The following CIT variants were observed in gnomAD, a reference collection of about 807,000 sequenced individuals.
The protein encoded by CIT is citron Rho-interacting kinase.
A neutral mutation model predicts 272.7 loss-of-function variants in CIT; 79 were observed. That is an observed-to-expected ratio of 0.29 (90% CI 0.24 to 0.35). The LOEUF (loss-of-function observed/expected upper bound fraction) is 0.35. Ranked by LOEUF, CIT falls within the 10% of genes least tolerant of loss-of-function variation. The pLI is 1.00. For synonymous variants in CIT, 948 were observed against 995.6 expected, an observed-to-expected ratio of 0.95 and a Z score of 0.90; for missense variants, 1,909 against 2,618.3, an observed-to-expected ratio of 0.73 and a Z score of 5.91.
At chr12:119,839,328 A>C (rs1021824872) in intron 5 of CIT, among the ~76,000 whole-genome samples, 1 of 152,144 alleles carries the variant, frequency 6.6e-6, no homozygotes, top group Non-Finnish European at 1.5e-5. Context: ...CTCTATTCCA[A>C]TTCACATAGG....
intron 40 of CIT, among the ~76,000 whole-genome samples, chr12:119,706,030 CA>C (rs1956861508): frequency 6.7e-6 from 1 of 148,776 alleles, no homozygotes; most frequent in Non-Finnish European, 1.5e-5. Context: ...GCAGAGGCTA[CA>C]GTGAGCCAAG....
Position 119,687,440 on chromosome 12 carries a change from G to C in CIT, c.*792C>G, listed in dbSNP as rs181970708. 19 of 152,816 alleles carry C rather than the reference G, an allele frequency of 1.2e-4. No homozygotes were observed. Among genetic ancestry groups the C allele is most frequent in the African/African-American group, 4.3e-4 (18 of 41,554 alleles). 9.5% of individuals were successfully genotyped at this position (152,816 alleles called of 1,614,324 possible). A position where few individuals can be genotyped will look rare whatever the true frequency, so the allele number is the denominator to read the frequency against. On this transcript the variant is annotated 3_prime_UTR_variant, in exon 48 of 48. Transcript: ENST00000392521. ...ACAGCAGGCTGGGGAGATGACGCTGGGGGGTGGGGAAGGAAAGCGTCTCGA... is the reference window on the plus strand; with the variant it reads ...ACAGCAGGCTGGGGAGATGACGCTGCGGGGTGGGGAAGGAAAGCGTCTCGA...
chr12:119,857,418 G>T, intron 4 of CIT, 105 bp downstream of exon 4: 1 of 1,153,192 alleles, frequency 8.7e-7, no homozygotes, highest in Non-Finnish European at 1.2e-6. Flanking sequence ...TAGAGTCACA[G>T]AGGAAAACGT....
At chr12:119,775,217 G>A (rs1040267347) in intron 16 of CIT, among the ~76,000 whole-genome samples, 28 of 151,952 alleles carry the variant, frequency 1.8e-4, no homozygotes, top group African/African-American at 6.3e-4. Context: ...AGGTTGCAGT[G>A]AGCCAAGATC....
At position 119,710,302 on chromosome 12, in the gene CIT, C is replaced by T. The variant is rs761740504; in HGVS notation, c.5020G>A (p.Val1674Ile). 2 of 1,614,232 alleles carry T rather than the reference C, an allele frequency of 1.2e-6. No homozygotes were observed. ...TCCTTGATAATATAAATTTGGAAGACTGCTCCAATTCCTGGGACATGGGTT... is the reference window on the plus strand; with the variant it reads ...TCCTTGATAATATAAATTTGGAAGATTGCTCCAATTCCTGGGACATGGGTT... ...SLTHVPGIGA[V>I]FQIYIIKDLE... The change falls in exon 39 of 48, where the codon GTC becomes ATC. Residue 1674 changes from valine (V) to isoleucine (I), a missense_variant. By Grantham distance (29) the Val-to-Ile change is conservative. This residue lies in a region of CIT where 780 missense variants were observed against 1,067.2 expected (regional missense o/e 0.73). Coordinates refer to ENST00000392521, the MANE Select transcript of CIT (RefSeq NM_001206999.2). The surrounding 1 kb of genome is among the most constrained non-coding windows in gnomAD (Gnocchi z 5.6).
At chr12:119,745,806 TA>T (rs1348168624) in intron 23 of CIT, among the ~76,000 whole-genome samples, 1 of 103,614 alleles carries the variant, frequency 9.7e-6, no homozygotes, top group African/African-American at 3.9e-5. Context: ...GATATACCAA[TA>T]AAAAAATACA....
intron 3 of CIT, among the ~76,000 whole-genome samples, chr12:119,864,498 A>C (rs767949794): frequency 5.3e-5 from 8 of 152,080 alleles, no homozygotes; most frequent in Non-Finnish European, 7.4e-5. Context: ...CCCATGCCCC[A>C]GCTACTTTTT....
At chr12:119,777,578 A>C (rs1566028748) in intron 13 of CIT, among the ~76,000 whole-genome samples, 1 of 147,698 alleles carries the variant, frequency 6.8e-6, no homozygotes, top group Middle Eastern at 3.4e-3. Flanking sequence ...GCTGAGGCAG[A>C]AGAATCGCTT....
intron 2 of CIT, among the ~76,000 whole-genome samples, chr12:119,874,865 C>T (rs1296087344): frequency 7.2e-6 from 1 of 139,552 alleles, no homozygotes; most frequent in Non-Finnish European, 1.5e-5. Flanking sequence ...CCAGCCTGGG[C>T]GACAGCGAAG....
intron 7 of CIT, among the ~76,000 whole-genome samples, chr12:119,827,858 T>C (rs1968297858): frequency 6.6e-6 from 1 of 152,244 alleles, no homozygotes. Context: ...TCTAATTACC[T>C]TGCAGGACCT....
intron 23 of CIT, among the ~76,000 whole-genome samples, chr12:119,747,570 T>C (rs1435403439): frequency 1.3e-5 from 2 of 148,654 alleles, no homozygotes; most frequent in East Asian, 4.0e-4. Flanking sequence ...AATACAAAAA[T>C]TAACTGGGCG....
intron 9 of CIT, among the ~76,000 whole-genome samples, chr12:119,812,809 G>A (rs993198222): frequency 1.5e-4 from 22 of 149,986 alleles, no homozygotes; most frequent in Non-Finnish European, 2.8e-4. Flanking sequence ...CATCGCACCC[G>A]GCTAGTCTCA....
chr12:119,745,881 A>G (rs941952744), intron 23 of CIT, among the ~76,000 whole-genome samples: 21 of 152,236 alleles, frequency 1.4e-4, no homozygotes, highest in Non-Finnish European at 2.6e-4. Context: ...ATAAAAAGTT[A>G]TTGTTTAGAA....
At chr12:119,844,853 G>A (rs1055407182) in intron 5 of CIT, among the ~76,000 whole-genome samples, 1 of 152,210 alleles carries the variant, frequency 6.6e-6, no homozygotes, top group Admixed American at 6.5e-5. Context: ...GGGCACGGTG[G>A]CTCACGCCTG....
intron 32 of CIT, among the ~76,000 whole-genome samples, chr12:119,716,975 G>A (rs901748047): frequency 6.6e-6 from 1 of 152,180 alleles, no homozygotes; most frequent in African/African-American, 2.4e-5. Context: ...TTAATGAAAC[G>A]AAGGTGTCTT....
chr12:119,716,941 A>C (rs1957521877), intron 32 of CIT, among the ~76,000 whole-genome samples: 2 of 152,358 alleles, frequency 1.3e-5, no homozygotes, highest in African/African-American at 4.8e-5. Context: ...TTATGTACTA[A>C]TGTGAAACCT....
rs141729408 is a variant in CIT, at chr12:119,775,421, T to A, written c.1941+365A>T. ...CCTCCAGCCTTCTGCAGGGCAGGCC[T>A]CCTGCTGGCAGAAAGCAGTTTGGGT... On this transcript the variant is annotated intron_variant, in intron 16 of 47. Transcript: ENST00000392521. Among the ~76,000 whole-genome samples, 217 of 152,352 alleles carry A rather than the reference T, an allele frequency of 1.4e-3. 1 individual carries two copies. The highest frequency in any genetic ancestry group is 5.0e-3 in the African/African-American group (210 of 41,590).
Position 119,728,355 on chromosome 12 carries a change from G to T in CIT, c.3591+147C>A. ...CAGGGTGTTGATAGCTGGGGACACT[G>T]TGGGAGGAGGAGACAGGGAGTATGT... On this transcript the variant is annotated intron_variant, in intron 28 of 47. Coordinates refer to ENST00000392521, the MANE Select transcript of CIT (RefSeq NM_001206999.2). This position sits in a 1 kb window ranked among gnomAD's most constrained non-coding sequence, Gnocchi z 4.3. 1.5e-6 allele frequency: 1 copy of T among 649,606 alleles called. No homozygotes were observed. Among genetic ancestry groups the T allele is most frequent in the African/African-American group, 1.8e-5 (1 of 55,432 alleles). 40.2% of individuals were successfully genotyped at this position (649,606 alleles called of 1,614,324 possible).
chr12:119,750,879 C>T (rs1456950051), intron 23 of CIT, among the ~76,000 whole-genome samples: 1 of 151,834 alleles, frequency 6.6e-6, no homozygotes, highest in Non-Finnish European at 1.5e-5. Flanking sequence ...ACGGAAGTAA[C>T]CCCAATCAAA....
Sources: gnomAD v4.1 joint callset for allele counts (sites outside exome capture counted in the v4.1 genomes callset) on GRCh38, gnomAD v4.1.1 for gene constraint, gnomAD v4.1.1 regional missense constraint, Gnocchi (gnomAD v3.1) non-coding constraint, MANE v1.5 for transcripts, NCBI Gene and HGNC (gene_info 2026-07-23, HGNC 2026-07-21) for gene names.